PIKFYVE: variants seen among roughly 807,000 people sequenced by gnomAD.
PIKFYVE encodes the protein phosphoinositide kinase, FYVE-type zinc finger containing, also known as 1-phosphatidylinositol 3-phosphate 5-kinase.
In PIKFYVE, 122 loss-of-function variants were observed where a neutral mutation model predicts 257.9. The ratio of observed to expected loss-of-function variants is 0.47; its 90% CI spans 0.41 to 0.55. The LOEUF is 0.55. PIKFYVE is among the 20% of genes least tolerant of loss of function. The probability of loss-of-function intolerance (pLI) is 0.00; values close to 1 mark genes in which losing one functional copy is unlikely to be tolerated. For missense variants in PIKFYVE, 2,160 were observed against 2,536.6 expected, an observed-to-expected ratio of 0.85 and a Z score of 3.19; for synonymous variants, 892 against 868.9, an observed-to-expected ratio of 1.03 and a Z score of -0.47.
chr2:208,346,094 C>G lies in PIKFYVE; in HGVS notation c.5156C>G (p.Pro1719Arg), dbSNP rs1343940228. 1 of 1,613,116 alleles carries G rather than the reference C, an allele frequency of 6.2e-7. No individual in the cohort carries two copies. The highest frequency in any genetic ancestry group is 8.5e-7 in the Non-Finnish European group (1 of 1,179,558). Residue 1719 changes from proline to arginine, a missense_variant, in exon 34 of 42, where the codon CCT becomes CGT. By Grantham distance (103) the Pro-to-Arg change is moderately radical. This residue lies in a region of PIKFYVE where 699 missense variants were observed against 855.8 expected (regional missense o/e 0.82). Transcript: ENST00000264380. ...RPKSSSPIRL[P>R]EMSGGQTNRT... ...AAGAGTAGCAGCCCTATCAGATTAC[C>G]TGAAATGAGTGGAGGACAGACAAAT...
At chr2:208,345,368 A>G (rs1038158582) in intron 33 of PIKFYVE, among the ~76,000 whole-genome samples, 174 bp downstream of exon 33, 2 of 152,156 alleles carry the variant, frequency 1.3e-5, no homozygotes, top group African/African-American at 2.4e-5. Flanking sequence ...TAGCAAAAGA[A>G]CTTAAACAGT....
At chr2:208,306,219 G>A (rs541928720) in intron 12 of PIKFYVE, among the ~76,000 whole-genome samples, 3 of 152,178 alleles carry the variant, frequency 2.0e-5, no homozygotes, top group Non-Finnish European at 4.4e-5. Context: ...TTGAACATGA[G>A]TAAGATAGAC....
intron 12 of PIKFYVE, among the ~76,000 whole-genome samples, chr2:208,307,082 A>T (rs936158884): frequency 6.6e-6 from 1 of 152,118 alleles, no homozygotes; most frequent in East Asian, 1.9e-4. Context: ...CCTGGCCCTC[A>T]ATCCTTTAAA....
At chr2:208,330,313 A>C (rs1385688463) in intron 22 of PIKFYVE, among the ~76,000 whole-genome samples, 1 of 152,210 alleles carries the variant, frequency 6.6e-6, no homozygotes, top group Non-Finnish European at 1.5e-5. Context: ...TCAGAAGGTA[A>C]AAGGAAATGT....
intron 27 of PIKFYVE, among the ~76,000 whole-genome samples, chr2:208,336,439 A>G (rs959860624): frequency 1.3e-5 from 2 of 152,184 alleles, no homozygotes; most frequent in Non-Finnish European, 2.9e-5. Flanking sequence ...TGTTTCTAAT[A>G]TAATTTGAAA....
intron 22 of PIKFYVE, 68 bp from the exon 23 acceptor site, chr2:208,330,455 G>C: frequency 6.3e-7 from 1 of 1,582,840 alleles, no homozygotes; most frequent in African/African-American, 1.3e-5. Flanking sequence ...TAGTCATGCT[G>C]CACTTTGACA....
intron 13 of PIKFYVE, among the ~76,000 whole-genome samples, chr2:208,313,114 TG>T (rs1396826209): frequency 1.3e-5 from 2 of 152,190 alleles, no homozygotes; most frequent in Admixed American, 1.3e-4. Context: ...GGCTGTTTGG[TG>T]GAAGTTTTTT....
chr2:208,355,425 G>A lies in PIKFYVE; in HGVS notation c.*120G>A. Reference sequence around the variant, plus strand: ...CACCACTGTATGCCAAGGCTTTTCAGTTCTGTGGCTGTTTAGACTGTCCGT... The same window carrying A: ...CACCACTGTATGCCAAGGCTTTTCAATTCTGTGGCTGTTTAGACTGTCCGT... On this transcript the variant is annotated 3_prime_UTR_variant, in exon 42 of 42. Coordinates refer to ENST00000264380, the MANE Select transcript of PIKFYVE (RefSeq NM_015040.4). 1.2e-6 allele frequency: 1 copy of A among 813,870 alleles called. No homozygotes were observed. The highest frequency in any genetic ancestry group is 2.0e-6 in the Non-Finnish European group (1 of 498,234). 50.4% of individuals were successfully genotyped at this position (813,870 alleles called of 1,614,324 possible).
At chr2:208,343,817 G>A (rs549057768) in intron 32 of PIKFYVE, among the ~76,000 whole-genome samples, 23 of 136,184 alleles carry the variant, frequency 1.7e-4, no homozygotes, top group African/African-American at 6.2e-4. Flanking sequence ...ATGTCTAAAA[G>A]GGCAAAGCTT....
chr2:208,322,690 TA>T, intron 17 of PIKFYVE, among the ~76,000 whole-genome samples: 1 of 151,410 alleles, frequency 6.6e-6, no homozygotes, highest in East Asian at 1.9e-4. Flanking sequence ...TATCTTGATA[TA>T]TATATATATA....
chr2:208,305,013 GGTA>G lies in PIKFYVE; in HGVS notation c.1636+2_1636+4del. 1.2e-6 allele frequency: 2 copies of G among 1,614,048 alleles called. No homozygotes were observed. Among genetic ancestry groups the G allele is most frequent in the Non-Finnish European group, 1.7e-6 (2 of 1,179,974 alleles). ...GCCCCCTCACCCTGCTGACCAAAAA[GGTA>G]GGAGGTAGTCACCATCTGGAATCCA... On this transcript the variant is annotated splice_donor_variant and splice_donor_region_variant and intron_variant, in intron 12 of 41. Transcript: ENST00000264380. LOFTEE classifies it high-confidence loss of function.
chr2:208,302,695 G>A (rs1693843250), intron 10 of PIKFYVE: 1 of 316,052 alleles, frequency 3.2e-6, no homozygotes. Context: ...GTTTTATTAG[G>A]CCTATGCTTT....
At chr2:208,314,447 T>C (rs745406025) in intron 14 of PIKFYVE, 24 bp downstream of exon 14, 1 of 1,605,716 alleles carries the variant, frequency 6.2e-7, no homozygotes, top group African/African-American at 1.3e-5. Flanking sequence ...ATTTTTAATT[T>C]TAATTTTTCA....
At chr2:208,342,705 A>G (rs1166209652) in intron 32 of PIKFYVE, 56 bp downstream of exon 32, 4 of 1,359,888 alleles carry the variant, frequency 2.9e-6, no homozygotes, top group South Asian at 2.3e-5. Context: ...ATGTATGTCT[A>G]TTAATCCCTT....
intron 5 of PIKFYVE, among the ~76,000 whole-genome samples, chr2:208,278,783 C>G (rs1427282269): frequency 6.6e-6 from 1 of 152,002 alleles, no homozygotes; most frequent in Non-Finnish European, 1.5e-5. Flanking sequence ...GTATATGTAC[C>G]ACATTTTCTT....
intron 3 of PIKFYVE, among the ~76,000 whole-genome samples, chr2:208,276,477 T>C (rs1348031662): frequency 6.6e-6 from 1 of 152,200 alleles, no homozygotes. Flanking sequence ...TCTCAGACAA[T>C]GCTTGTCTTA....
At chr2:208,285,346 C>T (rs534542712) in intron 5 of PIKFYVE, among the ~76,000 whole-genome samples, 35 of 152,168 alleles carry the variant, frequency 2.3e-4, no homozygotes, top group African/African-American at 6.0e-4. Flanking sequence ...TCTGCCGCCT[C>T]GGCCTCCCAA....
Position 208,324,959 on chromosome 2 carries a change from T to A in PIKFYVE, c.2380T>A (p.Ser794Thr). ...AATGACCCAAGGTGATTTAGTGATGTCAATGGACCAGCTGCTTACGAAACC... is the reference window on the plus strand; with the variant it reads ...AATGACCCAAGGTGATTTAGTGATGACAATGGACCAGCTGCTTACGAAACC... ...SRMTQGDLVM[S>T]MDQLLTKPHL... Residue 794 changes from serine to threonine, a missense_variant, in exon 19 of 42, where the codon TCA becomes ACA. Ser to Thr is a moderately conservative substitution (Grantham distance 58, BLOSUM62 1). This residue lies in a region of PIKFYVE where 346 missense variants were observed against 365.6 expected (regional missense o/e 0.95). Coordinates refer to ENST00000264380, the MANE Select transcript of PIKFYVE (RefSeq NM_015040.4). 1 of 1,614,104 alleles carries A rather than the reference T, an allele frequency of 6.2e-7. No individual in the cohort carries two copies. The highest frequency in any genetic ancestry group is 8.5e-7 in the Non-Finnish European group (1 of 1,179,960).
chr2:208,343,673 G>A (rs1375304402), intron 32 of PIKFYVE, among the ~76,000 whole-genome samples: 5 of 152,054 alleles, frequency 3.3e-5, no homozygotes, highest in African/African-American at 1.2e-4. Flanking sequence ...TTGAAACCAT[G>A]GAAAGTGAAA....
Sources: allele counts gnomAD v4.1 joint callset (sites outside exome capture counted in the v4.1 genomes callset), GRCh38; gene constraint gnomAD v4.1.1; regional missense constraint gnomAD v4.1.1; transcripts MANE v1.5; gene names NCBI Gene and HGNC (gene_info 2026-07-23, HGNC 2026-07-21).